Variants in QPRT observed in about 807,000 individuals in gnomAD.
The protein encoded by QPRT is quinolinate phosphoribosyltransferase.
In QPRT, 17 loss-of-function variants were observed where a neutral mutation model predicts 19.8. The observed-to-expected ratio is 0.86, with a 90% CI of 0.59 to 1.29. The LOEUF is 1.29. QPRT is among the 50% of genes most tolerant of loss of function. The pLI is 0.00. For synonymous variants in QPRT, 178 were observed against 191.0 expected, an observed-to-expected ratio of 0.93 and a Z score of 0.56; for missense variants, 336 against 405.1, an observed-to-expected ratio of 0.83 and a Z score of 1.46.
At chr16:29,679,790 C>T (rs1966937552) in intron 1 of QPRT, among the ~76,000 whole-genome samples, 1 of 151,966 alleles carries the variant, frequency 6.6e-6, no homozygotes, top group South Asian at 2.1e-4. Flanking sequence ...GCTGCAGAGC[C>T]CTGGTTGCCT....
At chr16:29,696,818 T>C in intron 2 of QPRT, 178 bp from the exon 3 acceptor site, 1 of 674,490 alleles carries the variant, frequency 1.5e-6, no homozygotes, top group East Asian at 3.1e-5. Flanking sequence ...CAAAGTCTGG[T>C]TTCCTTATTA....
chr16:29,693,770 A>G (rs1001812125), intron 1 of QPRT, among the ~76,000 whole-genome samples: 1 of 151,456 alleles, frequency 6.6e-6, no homozygotes, highest in Admixed American at 6.6e-5. Flanking sequence ...TATTTTTAGT[A>G]GAGACAGGAG....
intron 2 of QPRT, among the ~76,000 whole-genome samples, chr16:29,695,605 T>C (rs945134515): frequency 6.8e-6 from 1 of 147,228 alleles, no homozygotes; most frequent in Non-Finnish European, 1.5e-5. Flanking sequence ...TTCTCCTGCC[T>C]CCGCCTCCCG....
intron 1 of QPRT, among the ~76,000 whole-genome samples, chr16:29,684,893 CA>C (rs1339922302): frequency 3.9e-5 from 6 of 152,200 alleles, no homozygotes; most frequent in Non-Finnish European, 5.9e-5. Flanking sequence ...CAAAGGGGAA[CA>C]GGGGTGCCCG....
At chr16:29,694,160 C>T (rs1967439292) in intron 1 of QPRT, among the ~76,000 whole-genome samples, 1 of 151,426 alleles carries the variant, frequency 6.6e-6, no homozygotes, top group African/African-American at 2.4e-5. Context: ...ACTCTGTCAC[C>T]CCGGCTGGAG....
At chr16:29,681,430 T>C (rs1175060493) in intron 1 of QPRT, among the ~76,000 whole-genome samples, 2 of 151,520 alleles carry the variant, frequency 1.3e-5, no homozygotes, top group Admixed American at 1.3e-4. Flanking sequence ...TGTGTGTCTT[T>C]GTGAGAACAC....
At position 29,695,181 on chromosome 16, in the gene QPRT, CG is replaced by C; in HGVS notation, c.532del (p.Ala178ProfsTer19). Reference protein sequence around the residue: ...VMVKDNHVVAAGGVEKAVRAA... With the variant: ...VMVKDNHVVAXGGVEKAVRAA... ...TGGTGAAGGATAACCATGTGGTGGC[CG>C]CCGGTGGCGTGGAGAAGGTGCTGGT... On this transcript the variant is annotated frameshift_variant, in exon 2 of 4. Coordinates refer to ENST00000395384, the MANE Select transcript of QPRT (RefSeq NM_014298.6). LOFTEE classifies it high-confidence loss of function. 6.4e-7 allele frequency: 1 copy of C among 1,552,362 alleles called. No homozygotes were observed.
chr16:29,692,075 C>G (rs1016779365), intron 1 of QPRT, among the ~76,000 whole-genome samples: 5 of 152,320 alleles, frequency 3.3e-5, no homozygotes, highest in Middle Eastern at 6.8e-3. Context: ...TCTGTGTTCC[C>G]CTCAAGGGGA....
At chr16:29,695,239 G>C in intron 2 of QPRT, 40 bp downstream of exon 2, 1 of 1,490,716 alleles carries the variant, frequency 6.7e-7, no homozygotes, top group Non-Finnish European at 8.9e-7. Flanking sequence ...CCCACCCTCA[G>C]CACACCCCTC....
chr16:29,695,326 C>T (rs1468679643), intron 2 of QPRT, 127 bp downstream of exon 2: 1 of 1,092,998 alleles, frequency 9.1e-7, no homozygotes, highest in African/African-American at 1.6e-5. Flanking sequence ...ACACAAGACT[C>T]TTCCCACCTC....
At chr16:29,692,423 A>T (rs1967373762) in intron 1 of QPRT, among the ~76,000 whole-genome samples, 1 of 151,824 alleles carries the variant, frequency 6.6e-6, no homozygotes, top group African/African-American at 2.4e-5. Context: ...TACTAAAAAC[A>T]CAAAAAAATT....
chr16:29,682,823 T>G (rs1301809821), intron 1 of QPRT, among the ~76,000 whole-genome samples: 1 of 152,204 alleles, frequency 6.6e-6, no homozygotes, highest in East Asian at 1.9e-4. Context: ...ATAGCCTAAT[T>G]TGCTTTTAGT....
At chr16:29,682,119 T>C (rs1162334209) in intron 1 of QPRT, among the ~76,000 whole-genome samples, 28 of 151,950 alleles carry the variant, frequency 1.8e-4, no homozygotes, top group Admixed American at 1.8e-3. Context: ...AGCCTCCAAC[T>C]TCTGGGCTCA....
intron 1 of QPRT, among the ~76,000 whole-genome samples, chr16:29,685,220 C>A (rs1421845364): frequency 1.3e-5 from 2 of 152,086 alleles, no homozygotes; most frequent in African/African-American, 4.8e-5. Context: ...CCTGTAATCC[C>A]AGCACTTTGG....
intron 1 of QPRT, among the ~76,000 whole-genome samples, chr16:29,684,224 G>T (rs57803622): frequency 6.6e-6 from 1 of 151,926 alleles, no homozygotes. Flanking sequence ...GACTCAAGCC[G>T]CAGCCTCCCG....
At chr16:29,693,141 A>G (rs1033437309) in intron 1 of QPRT, among the ~76,000 whole-genome samples, 4 of 152,056 alleles carry the variant, frequency 2.6e-5, no homozygotes, top group African/African-American at 9.7e-5. Context: ...TTACAATCCA[A>G]TTGCATTCTT....
intron 1 of QPRT, among the ~76,000 whole-genome samples, chr16:29,681,570 C>T (rs905088469): frequency 4.4e-5 from 6 of 137,238 alleles, no homozygotes; most frequent in Non-Finnish European, 9.1e-5. Flanking sequence ...GATCTTGGCT[C>T]GCTGCAACCT....
In QPRT at chr16:29,697,094, C is replaced by T. The variant is rs757303483; in HGVS notation, c.648C>T (p.Ala216=). Residue 216 remains alanine (A), a synonymous_variant, in exon 3 of 4, where the codon GCC becomes GCT. Transcript: ENST00000395384. The surrounding 1 kb of genome is among the most constrained non-coding windows in gnomAD (Gnocchi z 4.4). ...CCGTGCAGGCAGCTGAGGCTGGTGC[C>T]GACCTTGTCCTGCTGGACAACTTCA... ...QEAVQAAEAG[A]DLVLLDNFKP... is the part of the protein sequence containing the mutation. 8.7e-6 allele frequency: 14 copies of T among 1,610,030 alleles called. No homozygotes were observed. Among genetic ancestry groups the T allele is most frequent in the African/African-American group, 1.3e-5 (1 of 74,868 alleles).
intron 1 of QPRT, among the ~76,000 whole-genome samples, chr16:29,681,876 C>G (rs1967018313): frequency 6.6e-6 from 1 of 151,976 alleles, no homozygotes; most frequent in Non-Finnish European, 1.5e-5. Context: ...GTGCTTCAGG[C>G]ACTTGCTGCC....
Sources: gnomAD v4.1 joint callset for allele counts (sites outside exome capture counted in the v4.1 genomes callset) on GRCh38, gnomAD v4.1.1 for gene constraint, Gnocchi (gnomAD v3.1) non-coding constraint, MANE v1.5 for transcripts, NCBI Gene and HGNC (gene_info 2026-07-23, HGNC 2026-07-21) for gene names.